Variants in ROBO1 observed in about 807,000 individuals in gnomAD.
ROBO1 encodes roundabout homolog 1.
Under a neutral mutation model 195.9 loss-of-function variants are expected in ROBO1, and 149 were observed. The ratio of observed to expected loss-of-function variants is 0.76; its 90% confidence interval spans 0.67 to 0.87. The LOEUF (loss-of-function observed/expected upper bound fraction) is 0.87, where lower values mean the gene tolerates loss of function less well. Ranked by LOEUF, ROBO1 falls within the 40% of genes least tolerant of loss-of-function variation. The pLI is 0.00. For synonymous variants in ROBO1, 816 were observed against 733.2 expected (o/e 1.11, Z -1.82); for missense variants, 1,933 against 2,068.3 (o/e 0.93, Z 1.27).
At chr3:79,663,980 T>A (rs1946402060) in intron 1 of ROBO1, among the ~76,000 whole-genome samples, 1 of 152,058 alleles carries the variant, frequency 6.6e-6, no homozygotes, top group South Asian at 2.1e-4. Context: ...TTCCATTTAT[T>A]CTGCTGTCAA....
chr3:79,127,520 A>T (rs1428470345), intron 2 of ROBO1, among the ~76,000 whole-genome samples: 1 of 152,232 alleles, frequency 6.6e-6, no homozygotes, highest in African/African-American at 2.4e-5. Context: ...ACAAGCAATC[A>T]GTTATTTAAT....
At chr3:79,236,458 C>T (rs2082408464) in intron 2 of ROBO1, among the ~76,000 whole-genome samples, 1 of 152,100 alleles carries the variant, frequency 6.6e-6, no homozygotes, top group Non-Finnish European at 1.5e-5. Context: ...TCTCATATAT[C>T]ATATATACGA....
At chr3:78,652,780 G>T (rs1706756113) in intron 18 of ROBO1, among the ~76,000 whole-genome samples, 1 of 151,520 alleles carries the variant, frequency 6.6e-6, no homozygotes, top group Non-Finnish European at 1.5e-5. Flanking sequence ...TGAATATATG[G>T]GTAATAAAAT....
chr3:78,922,605 C>CTTTTT (rs565147879), intron 4 of ROBO1, among the ~76,000 whole-genome samples: 4 of 123,140 alleles, frequency 3.2e-5, no homozygotes, highest in African/African-American at 6.3e-5. Context: ...TCTTCTTCTT[C>CTTTTT]TTTTTTTTTT....
At chr3:78,784,693 C>T (rs1238131880) in intron 4 of ROBO1, among the ~76,000 whole-genome samples, 1 of 152,000 alleles carries the variant, frequency 6.6e-6, no homozygotes, top group Admixed American at 6.6e-5. Flanking sequence ...AGAATAGTAG[C>T]AACAAAAATC....
At chr3:79,474,486 A>T (rs890043373) in intron 2 of ROBO1, among the ~76,000 whole-genome samples, 7 of 152,062 alleles carry the variant, frequency 4.6e-5, no homozygotes, top group African/African-American at 1.7e-4. Flanking sequence ...TGGTTAGGTG[A>T]GGGTTGAATG....
At chr3:78,728,362 C>A (rs1233490016) in intron 5 of ROBO1, among the ~76,000 whole-genome samples, 2 of 151,824 alleles carry the variant, frequency 1.3e-5, no homozygotes, top group African/African-American at 4.8e-5. Flanking sequence ...GAACTCATAA[C>A]ACAAAATGAC....
At chr3:78,605,895 T>C (rs1703434287) in intron 29 of ROBO1, among the ~76,000 whole-genome samples, 1 of 152,190 alleles carries the variant, frequency 6.6e-6, no homozygotes, top group Non-Finnish European at 1.5e-5. Flanking sequence ...CACCAAGTCT[T>C]ATTGGGCCAC....
chr3:78,793,144 AAAAAG>A (rs1189071793), intron 4 of ROBO1, among the ~76,000 whole-genome samples: 39 of 152,132 alleles, frequency 2.6e-4, no homozygotes, highest in Non-Finnish European at 3.5e-4. Flanking sequence ...CCAAAAAAAA[AAAAAG>A]AAAGAAAGAA....
intron 1 of ROBO1, among the ~76,000 whole-genome samples, chr3:79,671,871 TA>T (rs1238230404): frequency 6.6e-6 from 1 of 151,934 alleles, no homozygotes; most frequent in East Asian, 1.9e-4. Context: ...ACTCATAATG[TA>T]TTCACCCAAA....
intron 10 of ROBO1, among the ~76,000 whole-genome samples, chr3:78,684,658 T>C (rs2081011199): frequency 6.6e-6 from 1 of 152,054 alleles, no homozygotes; most frequent in Non-Finnish European, 1.5e-5. Context: ...TACAGATGAC[T>C]AGCTCTGGGA....
chr3:78,608,574 G>A (rs1021056687), intron 28 of ROBO1, among the ~76,000 whole-genome samples: 34 of 152,248 alleles, frequency 2.2e-4, no homozygotes, highest in African/African-American at 7.5e-4. Flanking sequence ...AAGAATAAGA[G>A]TAGATACTAA....
intron 2 of ROBO1, among the ~76,000 whole-genome samples, chr3:79,242,732 TA>T: frequency 6.6e-6 from 1 of 152,256 alleles, no homozygotes; most frequent in East Asian, 1.9e-4. Flanking sequence ...ATATTTCCTA[TA>T]AAAAAAGTCT....
chr3:79,294,000 G>A (rs1428585385), intron 2 of ROBO1, among the ~76,000 whole-genome samples: 2 of 137,718 alleles, frequency 1.5e-5, no homozygotes, highest in African/African-American at 5.5e-5. Flanking sequence ...GGAGCTTGCA[G>A]TGAGCCGAGA....
intron 2 of ROBO1, among the ~76,000 whole-genome samples, chr3:79,495,933 C>A (rs577791097): frequency 1.1e-3 from 168 of 152,136 alleles, no homozygotes; most frequent in South Asian, 4.1e-3. Context: ...CATAGGTAGG[C>A]CAGGCACAGT....
intron 1 of ROBO1, among the ~76,000 whole-genome samples, chr3:79,750,487 G>C (rs951467337): frequency 5.9e-5 from 9 of 152,160 alleles, no homozygotes; most frequent in Admixed American, 2.6e-4. Context: ...TGAGTTGGCT[G>C]TGTCCCCACC....
chr3:79,641,343 T>C (rs1945653277), intron 1 of ROBO1, among the ~76,000 whole-genome samples: 1 of 152,142 alleles, frequency 6.6e-6, no homozygotes, highest in Non-Finnish European at 1.5e-5. Context: ...TACACAACTC[T>C]TTTTTACATC....
At chr3:78,747,060 T>C (rs960994618) in intron 4 of ROBO1, among the ~76,000 whole-genome samples, 160 bp from the exon 5 acceptor site, 5 of 152,200 alleles carry the variant, frequency 3.3e-5, no homozygotes, top group Non-Finnish European at 7.3e-5. Flanking sequence ...ACATCTGCAA[T>C]TTAATAAAGA....
chr3:79,200,585 C>T (rs942323807), intron 2 of ROBO1, among the ~76,000 whole-genome samples: 2 of 151,500 alleles, frequency 1.3e-5, no homozygotes, highest in Non-Finnish European at 3.0e-5. Context: ...CAAAGAAGTG[C>T]CAATTAAGTA....
Sources: allele counts gnomAD v4.1 joint callset (sites outside exome capture counted in the v4.1 genomes callset), GRCh38; gene constraint gnomAD v4.1.1; transcripts MANE v1.5; gene names NCBI Gene and HGNC (gene_info 2026-07-23, HGNC 2026-07-21).